Variants in SUFU observed in about 807,000 individuals in gnomAD.
SUFU encodes suppressor of fused homolog.
SUFU carries 7 observed loss-of-function variants against 58.9 expected under a neutral mutation model. The observed-to-expected ratio is 0.12, with a 90% CI of 0.07 to 0.22. The LOEUF (loss-of-function observed/expected upper bound fraction) is 0.22. SUFU is among the 10% of genes least tolerant of loss of function. The pLI is 1.00. For synonymous variants in SUFU, 232 were observed against 254.8 expected (o/e 0.91, Z 0.85); for missense variants, 451 against 641.3 (o/e 0.70, Z 3.20).
intron 3 of SUFU, chr10:102,572,703 G>T (rs951549393): frequency 1.3e-4 from 89 of 663,572 alleles, no homozygotes; most frequent in Admixed American, 4.7e-4. Flanking sequence ...TTTTTTTGTT[G>T]TTGTTATGGT....
chr10:102,505,538 T>C (rs1241772542), intron 1 of SUFU, among the ~76,000 whole-genome samples: 1 of 152,332 alleles, frequency 6.6e-6, no homozygotes, highest in Middle Eastern at 3.4e-3. Flanking sequence ...CTTTTAGGAC[T>C]GAGTCTTCCT....
rs1354083396 is a variant in SUFU at position 102,630,357 on chromosome 10, G to A, written c.*202G>A. ...ACCTCCAGCTCAGGGGCCGCACCCCGCCGCTGGCTAAGCCTTGTGACCCAT... is the reference window on the plus strand; with the variant it reads ...ACCTCCAGCTCAGGGGCCGCACCCCACCGCTGGCTAAGCCTTGTGACCCAT... On this transcript the variant is annotated 3_prime_UTR_variant, in exon 12 of 12. Coordinates refer to ENST00000369902, the MANE Select transcript of SUFU (RefSeq NM_016169.4). 6.5e-6 allele frequency: 4 copies of A among 611,820 alleles called. No homozygotes were observed. The highest frequency in any genetic ancestry group is 8.8e-6 in the Non-Finnish European group (3 of 342,008). 37.9% of individuals were successfully genotyped at this position (611,820 alleles called of 1,614,324 possible). A position where few individuals can be genotyped will look rare whatever the true frequency, so the allele number is the denominator to read the frequency against.
In SUFU at chr10:102,530,049, A is replaced by G. The variant is rs146964184; in HGVS notation, c.318-19921A>G. Among the ~76,000 whole-genome samples, 279 of 152,240 alleles carry G rather than the reference A, an allele frequency of 1.8e-3. 3 individuals carry two copies. Among genetic ancestry groups the G allele is most frequent in the African/African-American group, 6.6e-3 (274 of 41,562 alleles). On this transcript the variant is annotated intron_variant, in intron 2 of 11. Coordinates refer to ENST00000369902, the MANE Select transcript of SUFU (RefSeq NM_016169.4). Reference sequence around the variant, plus strand: ...CTGTCACACTAAAACCTCCCACCCTATGAGATGAGTGTTCTTCTCCCAGTT... The same window carrying G: ...CTGTCACACTAAAACCTCCCACCCTGTGAGATGAGTGTTCTTCTCCCAGTT...
At chr10:102,542,227 G>T (rs540657821) in intron 2 of SUFU, among the ~76,000 whole-genome samples, 26 of 150,838 alleles carry the variant, frequency 1.7e-4, no homozygotes, top group Admixed American at 4.0e-4. Context: ...CTGCCTCCCG[G>T]ATTCAAGCGA....
chr10:102,519,744 G>T (rs1233241517), intron 2 of SUFU, among the ~76,000 whole-genome samples: 2 of 151,962 alleles, frequency 1.3e-5, no homozygotes, highest in East Asian at 3.9e-4. Flanking sequence ...TTCCTTTAAT[G>T]ATTTATTTTT....
intron 3 of SUFU, among the ~76,000 whole-genome samples, chr10:102,570,895 T>C (rs2063153088): frequency 6.6e-6 from 1 of 152,192 alleles, no homozygotes; most frequent in Non-Finnish European, 1.5e-5. Flanking sequence ...TTTCCAGTGG[T>C]CAGATCTTTC....
intron 1 of SUFU, among the ~76,000 whole-genome samples, chr10:102,505,579 A>G (rs1158187499): frequency 6.6e-6 from 1 of 152,194 alleles, no homozygotes; most frequent in Non-Finnish European, 1.5e-5. Context: ...TCCCCTGGAC[A>G]TCGGTGTCAG....
At chr10:102,593,388 T>C (rs1378558945) in intron 4 of SUFU, among the ~76,000 whole-genome samples, 2 of 152,332 alleles carry the variant, frequency 1.3e-5, no homozygotes, top group Non-Finnish European at 2.9e-5. Flanking sequence ...AGAGCTAGAC[T>C]TGGTGTCATC....
intron 2 of SUFU, among the ~76,000 whole-genome samples, chr10:102,513,582 T>C (rs1213883889): frequency 6.6e-6 from 1 of 152,248 alleles, no homozygotes; most frequent in Non-Finnish European, 1.5e-5. Flanking sequence ...CTACAGTCCA[T>C]GGGTGTAAAA....
intron 2 of SUFU, among the ~76,000 whole-genome samples, chr10:102,534,387 A>G (rs970820086): frequency 1.9e-4 from 29 of 152,340 alleles, no homozygotes; most frequent in Non-Finnish European, 4.1e-4. Context: ...AGATCGTGCC[A>G]CTGCACTCTG....
chr10:102,606,472 AC>A (rs1339569757), intron 8 of SUFU, among the ~76,000 whole-genome samples: 1 of 152,126 alleles, frequency 6.6e-6, no homozygotes, highest in Non-Finnish European at 1.5e-5. Context: ...GTGACTTAGA[AC>A]ACTGAGACTT....
At chr10:102,582,070 G>A (rs554303013) in intron 3 of SUFU, among the ~76,000 whole-genome samples, 5 of 152,236 alleles carry the variant, frequency 3.3e-5, no homozygotes, top group Middle Eastern at 3.4e-3. Context: ...TGGAAAGCAC[G>A]GAATAATCTC....
At chr10:102,578,956 G>A (rs1033104134) in intron 3 of SUFU, among the ~76,000 whole-genome samples, 1 of 152,084 alleles carries the variant, frequency 6.6e-6, no homozygotes, top group Non-Finnish European at 1.5e-5. Flanking sequence ...GAAGGAGAGA[G>A]GAACAAGGGC....
At chr10:102,624,408 T>G (rs2063768403) in intron 10 of SUFU, among the ~76,000 whole-genome samples, 1 of 152,186 alleles carries the variant, frequency 6.6e-6, no homozygotes. Context: ...CTTCTAAGGT[T>G]TAACTCCCAA....
intron 6 of SUFU, among the ~76,000 whole-genome samples, chr10:102,595,850 C>T (rs2063455795): frequency 6.6e-6 from 1 of 152,180 alleles, no homozygotes; most frequent in Admixed American, 6.5e-5. Flanking sequence ...ATAAGTCCCT[C>T]GCCTTCTGGG....
chr10:102,559,809 T>A (rs1481322548), intron 3 of SUFU, among the ~76,000 whole-genome samples: 2 of 152,250 alleles, frequency 1.3e-5, no homozygotes, highest in Non-Finnish European at 2.9e-5. Flanking sequence ...CTGCCATTGG[T>A]AGGCTTTAAC....
chr10:102,566,368 G>A (rs900131272), intron 3 of SUFU, among the ~76,000 whole-genome samples: 10 of 152,118 alleles, frequency 6.6e-5, no homozygotes, highest in African/African-American at 1.4e-4. Flanking sequence ...AGTGTCTCAC[G>A]CCTGTAACCC....
intron 3 of SUFU, among the ~76,000 whole-genome samples, chr10:102,573,649 G>A (rs1053597724): frequency 2.0e-5 from 3 of 152,238 alleles, no homozygotes; most frequent in African/African-American, 7.2e-5. Flanking sequence ...TTAATAAAAG[G>A]AAGGAAATTC....
In SUFU at chr10:102,527,498, G is replaced by GATATATATAT. The variant is rs60387903; in HGVS notation, c.317+18202_317+18211dup. On this transcript the variant is annotated intron_variant, in intron 2 of 11. Coordinates refer to ENST00000369902, the MANE Select transcript of SUFU (RefSeq NM_016169.4). ...AGTGGCTCAAAGGAAATACCATTAA[G>GATATATATAT]ATATATATATATATATGTATATTTA... Among the ~76,000 whole-genome samples, 211 of 148,320 alleles carry GATATATATAT rather than the reference G, an allele frequency of 1.4e-3. 1 individual carries two copies. Among genetic ancestry groups the GATATATATAT allele is most frequent in the East Asian group, 5.9e-3 (30 of 5,082 alleles).
Sources: allele counts gnomAD v4.1 joint callset (sites outside exome capture counted in the v4.1 genomes callset), GRCh38; gene constraint gnomAD v4.1.1; transcripts MANE v1.5; gene names NCBI Gene and HGNC (gene_info 2026-07-23, HGNC 2026-07-21).